Variants in DENND6B observed in about 807,000 individuals in gnomAD.
The protein encoded by DENND6B is DENN domain containing 6B, also known as protein DENND6B.
Under a neutral mutation model 85.1 loss-of-function variants are expected in DENND6B, and 73 were observed. The observed-to-expected ratio is 0.86, with a 90% CI of 0.71 to 1.04. The LOEUF is 1.04. Ranked by LOEUF, DENND6B falls within the 50% of genes least tolerant of loss-of-function variation. The pLI, the probability that DENND6B is intolerant of heterozygous loss-of-function variation, is 0.00. For missense variants in DENND6B, 715 were observed against 785.8 expected (o/e 0.91, Z 1.08); for synonymous variants, 357 against 329.3 (o/e 1.08, Z -0.91).
At chr22:50,318,562 G>C (rs954790928) in intron 3 of DENND6B, among the ~76,000 whole-genome samples, 17 of 152,192 alleles carry the variant, frequency 1.1e-4, no homozygotes, top group Non-Finnish European at 1.8e-4. Context: ...GGGCAGGAGC[G>C]GGAGGGAGGC....
chr22:50,314,200 C>A lies in DENND6B; in HGVS notation c.1138+7G>T, dbSNP rs2041700687. 6.2e-7 allele frequency: 1 copy of A among 1,601,088 alleles called. No individual in the cohort carries two copies. Among genetic ancestry groups the A allele is most frequent in the Non-Finnish European group, 8.5e-7 (1 of 1,176,826 alleles). ...TGGAGGGGCTCCAGGTCGAGGGGAG[C>A]ACAGACCTGGCTTGGTGTCCAGGGT... is the stretch of plus-strand genomic sequence containing the variant. On this transcript the variant is annotated splice_region_variant and intron_variant, in intron 13 of 19. Transcript: ENST00000413817.
chr22:50,326,923 C>G lies in DENND6B; in HGVS notation c.66G>C (p.Thr22=), dbSNP rs962581016. The part of the protein sequence containing the change: ...ARGCLGAAGP[T]SSGRAARTPA... ...GGGTCCGCGCCGCGCGACCTGAAGA[C>G]GTGGGTCCAGCCGCGCCCAGGCAGC... is the stretch of plus-strand genomic sequence containing the variant. Residue 22 remains threonine, a synonymous_variant, in exon 1 of 20, where the codon ACG becomes ACC. Coordinates refer to ENST00000413817, the MANE Select transcript of DENND6B (RefSeq NM_001001794.4). 9.6e-6 allele frequency: 13 copies of G among 1,354,678 alleles called. No homozygotes were observed. In the African/African-American group the frequency reaches 1.8e-4, roughly 19 times the overall value. The allele number at this position is 1,354,678 out of a possible 1,614,324, so 83.9% of individuals were successfully genotyped here.
At chr22:50,315,090 A>G in intron 9 of DENND6B, 169 bp from the exon 10 acceptor site, 1 of 1,012,188 alleles carries the variant, frequency 9.9e-7, no homozygotes. Flanking sequence ...AATCATGACG[A>G]CCCCAAGCTG....
rs562424306 is a variant in DENND6B at position 50,313,004 on chromosome 22, G to A, written c.1452C>T (p.Leu484=). The A allele has an allele frequency of 3.9e-6, 6 of 1,556,608 alleles. No individual in the cohort carries two copies. The highest frequency in any genetic ancestry group is 3.6e-5 in the South Asian group (3 of 84,348). Residue 484 remains leucine (L), a synonymous_variant, in exon 17 of 20, where the codon CTC becomes CTT. Coordinates refer to ENST00000413817, the MANE Select transcript of DENND6B (RefSeq NM_001001794.4). The part of the protein sequence containing the change: ...TCILKGDWLG[L]YRRFFKSPHF... ...TGCACCTGCAGTCCACGCACCTGTA[G>A]AGACCCAGCCAGTCGCCCTTGAGGA... is the stretch of plus-strand genomic sequence containing the variant.
At chr22:50,315,135 A>AT (rs2041763821) in intron 9 of DENND6B, 1 of 697,442 alleles carries the variant, frequency 1.4e-6, no homozygotes, top group East Asian at 3.1e-5. Context: ...GGCCCTGGGA[A>AT]TGGGGGACTC....
chr22:50,326,955 C>A lies in DENND6B; in HGVS notation c.34G>T (p.Ala12Ser). The change falls in exon 1 of 20, where the codon GCT becomes TCT. Residue 12 changes from alanine (A) to serine (S), a missense_variant. Physicochemically the swap from Ala to Ser is moderately conservative, Grantham distance 99. Coordinates refer to ENST00000413817, the MANE Select transcript of DENND6B (RefSeq NM_001001794.4). ...DALLGTGPRR[A>S]RGCLGAAGPT... ...CCAGCCGCGCCCAGGCAGCCGCGAG[C>A]CCGGCGAGGCCCTGTGCCCAACAGC... 2 of 1,267,504 alleles carry A rather than the reference C, an allele frequency of 1.6e-6. No individual in the cohort carries two copies. Among genetic ancestry groups the A allele is most frequent in the South Asian group, 5.4e-5 (2 of 37,196 alleles). The allele number at this position is 1,267,504 out of a possible 1,614,324, so 78.5% of individuals were successfully genotyped here.
intron 1 of DENND6B, among the ~76,000 whole-genome samples, chr22:50,325,521 G>A (rs1290983723): frequency 6.6e-6 from 1 of 151,968 alleles, no homozygotes; most frequent in African/African-American, 2.4e-5. Context: ...ATTTTTAGTG[G>A]AGATGTGGTT....
intron 4 of DENND6B, 150 bp downstream of exon 4, chr22:50,317,758 T>A: frequency 1.3e-6 from 1 of 769,196 alleles, no homozygotes; most frequent in Non-Finnish European, 2.0e-6. Context: ...GGCTGGTGCC[T>A]GGGACTGCAG....
intron 9 of DENND6B, chr22:50,315,205 G>T: frequency 2.2e-6 from 1 of 453,064 alleles, no homozygotes; most frequent in Non-Finnish European, 4.0e-6. Context: ...CCGGGGCAGG[G>T]TCTGCTGACC....
rs951296935 is a variant in DENND6B at position 50,311,130 on chromosome 22, G to C, written c.*1009C>G. The stretch of plus-strand genomic sequence containing the variant: ...CTGAGTGGTCAGGGGACCTGCTCCC[G>C]GGCACACAGTGCGTGATGCTGAGCA... On this transcript the variant is annotated 3_prime_UTR_variant, in exon 20 of 20. Coordinates refer to ENST00000413817, the MANE Select transcript of DENND6B (RefSeq NM_001001794.4). 6.6e-6 allele frequency: 1 copy of C among 152,146 alleles called. No individual in the cohort carries two copies. Among genetic ancestry groups the C allele is most frequent in the Non-Finnish European group, 1.5e-5 (1 of 68,070 alleles). 9.4% of individuals were successfully genotyped at this position (152,146 alleles called of 1,614,324 possible). A position where few individuals can be genotyped will look rare whatever the true frequency, so the allele number is the denominator to read the frequency against.
At chr22:50,322,470 C>T (rs547701363) in intron 1 of DENND6B, among the ~76,000 whole-genome samples, 1 of 152,338 alleles carries the variant, frequency 6.6e-6, no homozygotes, top group African/African-American at 2.4e-5. Context: ...GGTATTCTAA[C>T]TGACCAGAGT....
At chr22:50,319,455 G>A (rs1205554693) in intron 1 of DENND6B, 1 of 985,312 alleles carries the variant, frequency 1.0e-6, no homozygotes, top group African/African-American at 1.7e-5. Flanking sequence ...CCAGACTGCA[G>A]TTGGGCCCCC....
chr22:50,315,245 C>G (rs1018148786), intron 9 of DENND6B, among the ~76,000 whole-genome samples: 3 of 152,158 alleles, frequency 2.0e-5, no homozygotes. Flanking sequence ...CCAGACCCCT[C>G]CCGTCACCCT....
chr22:50,315,757 C>A lies in DENND6B; in HGVS notation c.715G>T (p.Ala239Ser). 2 of 1,544,156 alleles carry A rather than the reference C, an allele frequency of 1.3e-6. No individual in the cohort carries two copies. Among genetic ancestry groups the A allele is most frequent in the South Asian group, 1.2e-5 (1 of 80,870 alleles). Residue 239 changes from alanine (A) to serine (S), a missense_variant, in exon 9 of 20, where the codon GCC (alanine) becomes TCC (serine). Physicochemically the swap from Ala to Ser is moderately conservative, Grantham distance 99 (BLOSUM62 1). Coordinates refer to ENST00000413817, the MANE Select transcript of DENND6B (RefSeq NM_001001794.4). ...TGGACGCTAGCAAGAACCACTGGGGCTGGCAGCAGGTTCTGAGAGGAGGAG... is the reference window on the plus strand; with the variant it reads ...TGGACGCTAGCAAGAACCACTGGGGATGGCAGCAGGTTCTGAGAGGAGGAG... ...KQFDQENLLPAPVVLASVHEL... is the reference protein window; with the variant it reads ...KQFDQENLLPSPVVLASVHEL...
At chr22:50,322,131 GTGGCGCGATCTCAGCTCAC>G (rs1170957940) in intron 1 of DENND6B, among the ~76,000 whole-genome samples, 5 of 148,486 alleles carry the variant, frequency 3.4e-5, no homozygotes, top group Non-Finnish European at 5.9e-5. Flanking sequence ...CTGGAGTACA[GTGGCGCGATCTCAGCTCAC>G]TGCAAGCTCC....
intron 1 of DENND6B, among the ~76,000 whole-genome samples, chr22:50,323,336 C>T (rs2042108609): frequency 6.8e-6 from 1 of 147,450 alleles, no homozygotes; most frequent in African/African-American, 2.5e-5. Context: ...GTCACCCAGG[C>T]TGGAGTGCAG....
chr22:50,314,514 G>A lies in DENND6B; in HGVS notation c.978-20C>T. On this transcript the variant is annotated intron_variant, in intron 11 of 19. Transcript: ENST00000413817. ...TTTGGTCTAGACAGACAGAGAGAGA[G>A]AAGAGGCAGAGACAGAGGTCCAGGG... 6.4e-7 allele frequency: 1 copy of A among 1,555,296 alleles called. No individual in the cohort carries two copies. The highest frequency in any genetic ancestry group is 8.7e-7 in the Non-Finnish European group (1 of 1,148,902).
At chr22:50,315,137 G>A in intron 9 of DENND6B, 1 of 696,384 alleles carries the variant, frequency 1.4e-6, no homozygotes, top group Non-Finnish European at 2.3e-6. Flanking sequence ...CCCTGGGAAT[G>A]GGGGACTCAA....
chr22:50,326,867 C>T lies in DENND6B; in HGVS notation c.122G>A (p.Trp41Ter). ...PAAPWARFSA[W>*]LECVCVVTFD... is the part of the protein sequence containing the mutation. ...GGTGACCACGCACACACACTCCAGC[C>T]AGGCGGAGAAGCGCGCCCAGGGCGC... The change falls in exon 1 of 20, where the codon TGG (tryptophan) becomes TAG (stop). Residue 41 changes from tryptophan (W) to a stop codon, truncating the protein, a stop_gained. Transcript: ENST00000413817. LOFTEE classifies it high-confidence loss of function. 7.0e-7 allele frequency: 1 copy of T among 1,427,298 alleles called. No individual in the cohort carries two copies. The highest frequency in any genetic ancestry group is 1.4e-5 in the South Asian group (1 of 72,326). 88.4% of individuals were successfully genotyped at this position (1,427,298 alleles called of 1,614,324 possible). A position where few individuals can be genotyped will look rare whatever the true frequency, so the allele number is the denominator to read the frequency against.
Sources: gnomAD v4.1 joint callset for allele counts (sites outside exome capture counted in the v4.1 genomes callset) on GRCh38, gnomAD v4.1.1 for gene constraint, MANE v1.5 for transcripts, NCBI Gene and HGNC (gene_info 2026-07-23, HGNC 2026-07-21) for gene names.